Variants in CORO7 observed in about 807,000 individuals in gnomAD.
CORO7 encodes the protein coronin-7.
A neutral mutation model predicts 126.6 loss-of-function variants in CORO7; 107 were observed. That is an observed-to-expected ratio of 0.85 (90% CI 0.72 to 0.99). The LOEUF (loss-of-function observed/expected upper bound fraction) is 0.99, where lower values mean the gene tolerates loss of function less well. Ranked by LOEUF, CORO7 falls within the 50% of genes least tolerant of loss-of-function variation. The pLI, the probability that CORO7 is intolerant of heterozygous loss-of-function variation, is 0.00. For synonymous variants in CORO7, 603 were observed against 536.8 expected (o/e 1.12, Z -1.70); for missense variants, 1,314 against 1,255.8 (o/e 1.05, Z -0.70).
Position 4,408,102 on chromosome 16 carries a change from T to G in CORO7, c.303+79A>C, listed in dbSNP as rs2056073113. 8 of 1,600,640 alleles carry G rather than the reference T, an allele frequency of 5.0e-6. No homozygotes were observed. The South Asian group carries it at 6.6e-5, about 13-fold the overall frequency. ...TGGACTGGGAGGCAGCAGAGCCCTG[T>G]GGGGATGGCGCTGGGGCTCAGAAGG... On this transcript the variant is annotated intron_variant, in intron 4 of 27. Transcript: ENST00000251166.
chr16:4,387,820 G>A (rs1473444481), intron 9 of CORO7, 166 bp downstream of exon 9: 8 of 806,082 alleles, frequency 9.9e-6, no homozygotes, highest in East Asian at 8.1e-5. Flanking sequence ...TGGAAGCTCC[G>A]GGGGTACAGG....
intron 9 of CORO7, among the ~76,000 whole-genome samples, chr16:4,385,700 G>A (rs2055172430): frequency 6.6e-6 from 1 of 152,192 alleles, no homozygotes; most frequent in Non-Finnish European, 1.5e-5. Context: ...CCCAGCCCCT[G>A]CTCCTCTCAC....
chr16:4,381,102 G>GC, intron 9 of CORO7: 1 of 1,607,676 alleles, frequency 6.2e-7, no homozygotes. Context: ...TTGCCGGCCT[G>GC]CCGGGCCTGC....
chr16:4,409,961 G>A (rs1242526059), intron 3 of CORO7, among the ~76,000 whole-genome samples: 1 of 152,194 alleles, frequency 6.6e-6, no homozygotes, highest in African/African-American at 2.4e-5. Flanking sequence ...TCCCGGCAGG[G>A]CTGCTCATGC....
chr16:4,408,063 G>T, intron 4 of CORO7, 118 bp downstream of exon 4: 1 of 1,453,376 alleles, frequency 6.9e-7, no homozygotes, highest in Non-Finnish European at 9.5e-7. Context: ...CAGCCCTGGG[G>T]AGTGGGGTGG....
rs545778364 is a variant in CORO7, at chr16:4,409,101, G to A, written c.233-850C>T. Among the ~76,000 whole-genome samples the A allele has an allele frequency of 8.5e-5, 13 of 152,340 alleles. No individual in the cohort carries two copies. In the East Asian group the frequency reaches 2.5e-3, roughly 29 times the overall value. ...TAGAGACTAGGCATGGAGGGTGGCG[G>A]GGTTTCGGGGTGTGAACAGGACGAG... On this transcript the variant is annotated intron_variant, in intron 3 of 27. Coordinates refer to ENST00000251166, the MANE Select transcript of CORO7 (RefSeq NM_024535.5).
intron 3 of CORO7, among the ~76,000 whole-genome samples, chr16:4,411,073 A>G (rs1464278259): frequency 6.6e-6 from 1 of 152,188 alleles, no homozygotes; most frequent in East Asian, 1.9e-4. Context: ...GGCAGTGCAC[A>G]TGACTCGGTC....
In CORO7 at chr16:4,360,339, G is replaced by C. The variant is rs138903298; in HGVS notation, c.2047C>G (p.Arg683Gly). The change falls in exon 21 of 28, where the codon CGC becomes GGC. Residue 683 changes from arginine (R) to glycine (G), a missense_variant. Arg to Gly is a moderately radical substitution (Grantham distance 125, BLOSUM62 -2). Coordinates refer to ENST00000251166, the MANE Select transcript of CORO7 (RefSeq NM_024535.5). ...CATACCCAGACAATGCGAGCTCCGC[G>C]TCCTCCCTTGGGCCCTGGGCCTTCC... Reference protein sequence around the residue: ...LQEGPGPKGGRGARIVWVCDG... With the variant: ...LQEGPGPKGGGGARIVWVCDG... 5 of 1,613,652 alleles carry C rather than the reference G, an allele frequency of 3.1e-6. No homozygotes were observed. The highest frequency in any genetic ancestry group is 4.2e-6 in the Non-Finnish European group (5 of 1,180,000).
At chr16:4,373,684 G>A (rs929633131) in intron 9 of CORO7, among the ~76,000 whole-genome samples, 1 of 152,160 alleles carries the variant, frequency 6.6e-6, no homozygotes, top group Non-Finnish European at 1.5e-5. Flanking sequence ...GGGGAGCTGG[G>A]ACAAGTCCCA....
At chr16:4,405,344 A>G in intron 6 of CORO7, 147 bp downstream of exon 6, 1 of 807,374 alleles carries the variant, frequency 1.2e-6, no homozygotes, top group Non-Finnish European at 1.8e-6. Context: ...TGTGAGGAGC[A>G]GCTAGGGGGC....
chr16:4,414,726 G>A (rs548809195), intron 1 of CORO7, among the ~76,000 whole-genome samples: 1 of 152,206 alleles, frequency 6.6e-6, no homozygotes, highest in Non-Finnish European at 1.5e-5. Context: ...TTATGTTGCT[G>A]GACTAAGGCC....
rs764106523 is a variant in CORO7, at chr16:4,388,083, A to C, written c.703-15T>G. The C allele has an allele frequency of 1.2e-5, 19 of 1,607,952 alleles. No individual in the cohort carries two copies. The South Asian group carries it at 2.1e-4, about 18-fold the overall frequency. ...CGCTCACGCATCTGCAGGGAGGGCG[A>C]GAGAGGGGCTCAGAGGGGCCTGTCC... On this transcript the variant is annotated splice_polypyrimidine_tract_variant and intron_variant, in intron 8 of 27. Transcript: ENST00000251166.
At chr16:4,405,640 T>C in intron 5 of CORO7, 73 bp from the exon 6 acceptor site, 1 of 1,537,252 alleles carries the variant, frequency 6.5e-7, no homozygotes, top group Non-Finnish European at 8.8e-7. Context: ...CGGGCCTTGC[T>C]GGGGGGAACT....
chr16:4,411,705 A>G (rs527289124), intron 3 of CORO7, among the ~76,000 whole-genome samples: 141 of 152,080 alleles, frequency 9.3e-4, no homozygotes, highest in African/African-American at 3.3e-3. Flanking sequence ...CCAGGCATCA[A>G]CTGCCTTCCC....
At chr16:4,391,699 C>A (rs552121134) in intron 7 of CORO7, among the ~76,000 whole-genome samples, 84 of 152,380 alleles carry the variant, frequency 5.5e-4, no homozygotes, top group African/African-American at 2.0e-3. Context: ...CCACTGCACT[C>A]CCGCCTGGGC....
chr16:4,371,712 C>T (rs2054530041), intron 9 of CORO7: 2 of 152,396 alleles, frequency 1.3e-5, no homozygotes, highest in East Asian at 1.9e-4. Context: ...CAGGGCAACC[C>T]GGCCCACGAG....
At chr16:4,402,499 G>C (rs1006905872) in intron 6 of CORO7, among the ~76,000 whole-genome samples, 3 of 152,060 alleles carry the variant, frequency 2.0e-5, no homozygotes, top group African/African-American at 4.8e-5. Context: ...CTCCCACCTC[G>C]TCCTCCCAAA....
At chr16:4,400,125 A>G (rs1450651816) in intron 6 of CORO7, among the ~76,000 whole-genome samples, 2 of 152,202 alleles carry the variant, frequency 1.3e-5, no homozygotes, top group Non-Finnish European at 2.9e-5. Flanking sequence ...TAGTGGTTAC[A>G]TTATGTCATG....
chr16:4,360,833 C>G (rs1436808995), intron 19 of CORO7, 110 bp downstream of exon 19: 1 of 1,520,394 alleles, frequency 6.6e-7, no homozygotes, highest in Non-Finnish European at 8.8e-7. Context: ...CGCTGCTGGT[C>G]CTGCCTCTCC....
Sources: allele counts gnomAD v4.1 joint callset (sites outside exome capture counted in the v4.1 genomes callset), GRCh38; gene constraint gnomAD v4.1.1; transcripts MANE v1.5; gene names NCBI Gene and HGNC (gene_info 2026-07-23, HGNC 2026-07-21).